Variants in NCMAP observed in about 807,000 individuals in gnomAD.
The protein encoded by NCMAP is noncompact myelin-associated protein.
Under a neutral mutation model 7.8 loss-of-function variants are expected in NCMAP, and 8 were observed. The observed-to-expected ratio is 1.02, with a 90% CI of 0.60 to 1.84. The LOEUF is 1.84. NCMAP is among the 40% of genes most tolerant of loss of function. The pLI is 0.00. For missense variants in NCMAP, 112 were observed against 131.4 expected (o/e 0.85, Z 0.72); for synonymous variants, 41 against 52.9 (o/e 0.78, Z 0.98).
chr1:24,597,687 A>AAAGC (rs1652307201), intron 2 of NCMAP, among the ~76,000 whole-genome samples: 1 of 135,624 alleles, frequency 7.4e-6, no homozygotes, highest in Non-Finnish European at 1.6e-5. Context: ...AAAAAGAAAG[A>AAAGC]AAGAAAGAGA....
intron 1 of NCMAP, among the ~76,000 whole-genome samples, chr1:24,585,768 G>C (rs1015401746): frequency 6.6e-6 from 1 of 152,096 alleles, no homozygotes; most frequent in Non-Finnish European, 1.5e-5. Flanking sequence ...TTTTCTCTTT[G>C]GGGGAGATTT....
At chr1:24,560,152 C>G (rs1651006921) in intron 1 of NCMAP, among the ~76,000 whole-genome samples, 1 of 124,168 alleles carries the variant, frequency 8.1e-6, no homozygotes, top group Non-Finnish European at 1.6e-5. Context: ...CAGAGCCAGA[C>G]TCCATCTCAA....
At chr1:24,591,745 G>A (rs1302618220) in intron 1 of NCMAP, among the ~76,000 whole-genome samples, 1 of 152,148 alleles carries the variant, frequency 6.6e-6, no homozygotes, top group African/African-American at 2.4e-5. Flanking sequence ...CTGGGAGTCC[G>A]GAGGGTCTGG....
chr1:24,603,938 G>A (rs776712350), intron 3 of NCMAP, among the ~76,000 whole-genome samples: 19 of 152,210 alleles, frequency 1.2e-4, no homozygotes, highest in Non-Finnish European at 2.2e-4. Flanking sequence ...TATTTCTTGC[G>A]GTTCTGGAGG....
chr1:24,601,054 T>TGGAC, intron 3 of NCMAP, 30 bp downstream of exon 3: 1 of 1,586,720 alleles, frequency 6.3e-7, no homozygotes, highest in South Asian at 1.1e-5. Flanking sequence ...TGGAACTGCC[T>TGGAC]GGACGGTCCC....
At chr1:24,573,969 A>AAAAAAAAAAAAAAAAAAAAAAAAAAC (rs1274825221) in intron 1 of NCMAP, among the ~76,000 whole-genome samples, 5 of 136,782 alleles carry the variant, frequency 3.7e-5, no homozygotes, top group Non-Finnish European at 7.9e-5. Flanking sequence ...AAAAAAAAAA[A>AAAAAAAAAAAAAAAAAAAAAAAAAAC]AACAGAAAAA....
chr1:24,566,497 C>T (rs926667821), intron 1 of NCMAP, among the ~76,000 whole-genome samples: 2 of 152,084 alleles, frequency 1.3e-5, no homozygotes, highest in Admixed American at 1.3e-4. Context: ...GCTCATTCTG[C>T]CTGGCGGGGG....
intron 3 of NCMAP, among the ~76,000 whole-genome samples, chr1:24,602,497 A>G (rs12562449): frequency 0.25 from 33,789 of 133,744 alleles, 5,180 homozygotes; most frequent in East Asian, 0.42. Flanking sequence ...GTGAACCCGG[A>G]AGGCGGAGCT....
intron 1 of NCMAP, among the ~76,000 whole-genome samples, chr1:24,562,289 C>T (rs1340132958): frequency 6.6e-6 from 1 of 152,212 alleles, no homozygotes; most frequent in Non-Finnish European, 1.5e-5. Context: ...TTCTACGAAT[C>T]ACTTTGCAGC....
At chr1:24,568,665 G>A (rs989953197) in intron 1 of NCMAP, among the ~76,000 whole-genome samples, 6 of 152,198 alleles carry the variant, frequency 3.9e-5, no homozygotes, top group Non-Finnish European at 7.3e-5. Flanking sequence ...GGCACAGAGA[G>A]GTTAAGTAAC....
Position 24,576,239 on chromosome 1 carries a change from G to A in NCMAP, c.-7-19185G>A, listed in dbSNP as rs1036105085. ...CCACATCCCACCTCCTGACAAAGCT[G>A]GGGGCTGGCACTGCTGCTTGAGAGG... is the stretch of plus-strand genomic sequence containing the variant. On this transcript the variant is annotated intron_variant, in intron 1 of 3. Transcript: ENST00000374392. The surrounding 1 kb of genome is among the most constrained non-coding windows in gnomAD (Gnocchi z 4.0). Among the ~76,000 whole-genome samples the A allele has an allele frequency of 1.3e-5, 2 of 152,200 alleles. No homozygotes were observed. The highest frequency in any genetic ancestry group is 6.5e-5 in the Admixed American group (1 of 15,278).
intron 3 of NCMAP, among the ~76,000 whole-genome samples, chr1:24,602,569 CAAAAAAAAAAAAAAAA>C (rs10630961): frequency 2.5e-5 from 1 of 40,068 alleles, no homozygotes; most frequent in South Asian, 1.2e-3. Context: ...GACTCCATCT[CAAAAAAAAAAAAAAAA>C]AAAAAAAGAA....
chr1:24,584,029 T>G (rs1413390017), intron 1 of NCMAP, among the ~76,000 whole-genome samples: 1 of 152,222 alleles, frequency 6.6e-6, no homozygotes, highest in African/African-American at 2.4e-5. Flanking sequence ...GCATAGGGTC[T>G]GCTTGAGTGT....
intron 1 of NCMAP, among the ~76,000 whole-genome samples, chr1:24,589,129 G>T (rs1231689471): frequency 6.6e-6 from 1 of 152,124 alleles, no homozygotes; most frequent in Non-Finnish European, 1.5e-5. Flanking sequence ...TACAGGACTG[G>T]TATGAAGATT....
chr1:24,605,748 C>T lies in NCMAP; in HGVS notation c.*1C>T, dbSNP rs1652703723. On this transcript the variant is annotated 3_prime_UTR_variant, in exon 4 of 4. Transcript: ENST00000374392. ...TGACGTCCAGGTGGAGACGCGATGA[C>T]CTCTACCCTGGCGCTATCTCCACCA... is the stretch of plus-strand genomic sequence containing the variant. The T allele has an allele frequency of 6.2e-7, 1 of 1,614,132 alleles. No individual in the cohort carries two copies.
At position 24,597,619 on chromosome 1, in the gene NCMAP, GAA is replaced by G. The variant is rs1296678812; in HGVS notation, c.82+2109_82+2110del. On this transcript the variant is annotated intron_variant, in intron 2 of 3. Transcript: ENST00000374392. ...GAAGAAAGAAAGAAAGAAAGAAAGA[GAA>G]AGAAAGAAAGAAAGAAAGAAAGAAA... is the stretch of plus-strand genomic sequence containing the variant. Among the ~76,000 whole-genome samples, 61 of 61,136 alleles carry G rather than the reference GAA, an allele frequency of 1.0e-3. 2 individuals carry two copies. Among genetic ancestry groups the G allele is most frequent in the Middle Eastern group, 7.1e-3 (1 of 140 alleles). The allele number at this position is 61,136 out of a possible 152,430, so 40.1% of individuals were successfully genotyped here.
At chr1:24,592,280 T>C (rs1356594708) in intron 1 of NCMAP, among the ~76,000 whole-genome samples, 2 of 152,082 alleles carry the variant, frequency 1.3e-5, no homozygotes, top group Non-Finnish European at 2.9e-5. Flanking sequence ...AGCCCCAGAA[T>C]CATATGATCA....
intron 1 of NCMAP, 105 bp downstream of exon 1, chr1:24,556,274 A>G (rs1366800296): frequency 2.0e-5 from 3 of 152,090 alleles, no homozygotes; most frequent in Non-Finnish European, 4.4e-5. Context: ...GCGCTGGGCG[A>G]AGGAGGGCCC....
intron 1 of NCMAP, among the ~76,000 whole-genome samples, chr1:24,585,382 G>A (rs777287222): frequency 1.3e-5 from 2 of 152,152 alleles, no homozygotes; most frequent in Non-Finnish European, 2.9e-5. Flanking sequence ...GTTTGTTCCA[G>A]TCTCTAGTGC....
Sources: allele counts gnomAD v4.1 joint callset (sites outside exome capture counted in the v4.1 genomes callset), GRCh38; gene constraint gnomAD v4.1.1; non-coding constraint Gnocchi (gnomAD v3.1); transcripts MANE v1.5; gene names NCBI Gene and HGNC (gene_info 2026-07-23, HGNC 2026-07-21).